Variants in DCP2 observed in about 807,000 individuals in gnomAD.
DCP2 encodes the protein decapping mRNA 2, also known as m7GpppN-mRNA hydrolase.
In DCP2, 30 loss-of-function variants were observed where a neutral mutation model predicts 56.1. That is an observed-to-expected ratio of 0.53 (90% CI 0.40 to 0.73). DCP2 has a LOEUF of 0.73. DCP2 is among the 30% of genes least tolerant of loss of function. DCP2 has a pLI of 0.00. For missense variants in DCP2, 533 were observed against 502.7 expected (o/e 1.06, Z -0.58); for synonymous variants, 197 against 163.3 (o/e 1.21, Z -1.57).
At position 112,976,876 on chromosome 5, in the gene DCP2, C is replaced by T; in HGVS notation, c.-58C>T. 2 of 1,576,876 alleles carry T rather than the reference C, an allele frequency of 1.3e-6. No individual in the cohort carries two copies. The highest frequency in any genetic ancestry group is 1.7e-6 in the Non-Finnish European group (2 of 1,146,016). Reference sequence around the variant, plus strand: ...GGCGAGCCGGAGTCCTAGTGCCGTACCGTCAGTCCCCGGCCGCGCGGAGCC... The same window carrying T: ...GGCGAGCCGGAGTCCTAGTGCCGTATCGTCAGTCCCCGGCCGCGCGGAGCC... On this transcript the variant is annotated 5_prime_UTR_variant, in exon 1 of 11. Coordinates refer to ENST00000389063, the MANE Select transcript of DCP2 (RefSeq NM_152624.6).
At chr5:112,992,833 A>G in intron 4 of DCP2, 63 bp downstream of exon 4, 1 of 1,278,260 alleles carries the variant, frequency 7.8e-7, no homozygotes, top group Non-Finnish European at 1.1e-6. Context: ...TATTTTTTTT[A>G]GCCATATAGA....
chr5:113,010,389 T>G (rs6594655), intron 9 of DCP2, among the ~76,000 whole-genome samples: 29,113 of 151,840 alleles, frequency 0.19, 2,923 homozygotes, highest in Non-Finnish European at 0.21. Flanking sequence ...TTATGTTTTA[T>G]AAATAAAGTA....
intron 8 of DCP2, among the ~76,000 whole-genome samples, chr5:113,005,129 CA>C (rs1027740001): frequency 8.7e-5 from 10 of 114,362 alleles, no homozygotes; most frequent in African/African-American, 1.1e-4. Flanking sequence ...AACTCTGTCT[CA>C]AAAAAAAAAG....
At chr5:112,981,560 T>G (rs955512059) in intron 1 of DCP2, among the ~76,000 whole-genome samples, 1 of 152,190 alleles carries the variant, frequency 6.6e-6, no homozygotes, top group South Asian at 2.1e-4. Flanking sequence ...TAAATAGATA[T>G]GTAGTTTTTA....
At chr5:112,980,160 T>C (rs551467607) in intron 1 of DCP2, among the ~76,000 whole-genome samples, 1 of 152,380 alleles carries the variant, frequency 6.6e-6, no homozygotes, top group Middle Eastern at 3.4e-3. Flanking sequence ...TTTTCAGTAC[T>C]GTTTAAACTA....
chr5:112,984,211 A>C (rs1748139449), intron 1 of DCP2: 2 of 152,264 alleles, frequency 1.3e-5, no homozygotes, highest in Admixed American at 1.3e-4. Context: ...TGTGGGGAAA[A>C]AAAATCCAAA....
At position 113,010,809 on chromosome 5, in the gene DCP2, C is replaced by T. The variant is rs1311557474; in HGVS notation, c.1099+2C>T. On this transcript the variant is annotated splice_donor_variant, in intron 10 of 10. Transcript: ENST00000389063. LOFTEE classifies it low-confidence loss of function (GC_TO_GT_DONOR). ...AACTTCAGGATAATTTTGAAACAGG[C>T]AAGTCATTTCCTATCTTTTTATAAT... 6.3e-7 allele frequency: 1 copy of T among 1,596,604 alleles called. No individual in the cohort carries two copies. Among genetic ancestry groups the T allele is most frequent in the South Asian group, 1.1e-5 (1 of 87,062 alleles).
At chr5:113,007,400 C>CTT (rs869106469) in intron 8 of DCP2, among the ~76,000 whole-genome samples, 1 of 48,946 alleles carries the variant, frequency 2.0e-5, no homozygotes, top group Non-Finnish European at 4.2e-5. Flanking sequence ...TTCTTTCTTT[C>CTT]TTTTTTTTTT....
chr5:113,003,167 T>G (rs201754303), intron 7 of DCP2, among the ~76,000 whole-genome samples: 1 of 151,494 alleles, frequency 6.6e-6, no homozygotes, highest in African/African-American at 2.4e-5. Context: ...AAAAGCTGAC[T>G]AATTCCTGAC....
rs372416746 is a variant in DCP2 at position 112,992,168 on chromosome 5, A to G, written c.253A>G (p.Lys85Glu). The change falls in exon 3 of 11, where the codon AAA (lysine) becomes GAA (glutamate). Residue 85 changes from lysine (K) to glutamate (E), a missense_variant. Lys to Glu is a moderately conservative substitution (Grantham distance 56). This residue lies in a region of DCP2 where 137 missense variants were observed against 138.2 expected (regional missense o/e 0.99). Coordinates refer to ENST00000389063, the MANE Select transcript of DCP2 (RefSeq NM_152624.6). The stretch of plus-strand genomic sequence containing the variant: ...GCTGCCTCAAGGTGAAGATGTGGAA[A>G]AAGTTTTGGATGAATGGAAGGAATA... ...FLLPQGEDVE[K>E]VLDEWKEYKM... 1.2e-6 allele frequency: 2 copies of G among 1,613,942 alleles called. No homozygotes were observed. Among genetic ancestry groups the G allele is most frequent in the Admixed American group, 3.3e-5 (2 of 59,992 alleles).
intron 1 of DCP2, among the ~76,000 whole-genome samples, chr5:112,980,486 G>A (rs1235662349): frequency 2.0e-5 from 3 of 152,144 alleles, no homozygotes; most frequent in African/African-American, 7.2e-5. Context: ...ATAACATTTC[G>A]TGTGATGCAG....
chr5:112,988,449 G>A lies in DCP2; in HGVS notation c.205+2463G>A, dbSNP rs183096986. Among the ~76,000 whole-genome samples, 256 of 136,634 alleles carry A rather than the reference G, an allele frequency of 1.9e-3. 1 individual carries two copies. The highest frequency in any genetic ancestry group is 6.9e-3 in the South Asian group (29 of 4,202). 89.6% of individuals were successfully genotyped at this position (136,634 alleles called of 152,430 possible). A position where few individuals can be genotyped will look rare whatever the true frequency, so the allele number is the denominator to read the frequency against. ...AGAGCTTGCAGTGAGCCGAGTTCGC[G>A]CCACTGCACTCCAGCCTGGGTGACA... On this transcript the variant is annotated intron_variant, in intron 2 of 10. Coordinates refer to ENST00000389063, the MANE Select transcript of DCP2 (RefSeq NM_152624.6).
chr5:112,989,206 G>A (rs764394294), intron 2 of DCP2, among the ~76,000 whole-genome samples: 2 of 152,150 alleles, frequency 1.3e-5, no homozygotes, highest in Admixed American at 6.5e-5. Context: ...ACCCACTTAC[G>A]ATTTGGAGGC....
intron 8 of DCP2, among the ~76,000 whole-genome samples, chr5:113,005,490 C>CA (rs768063178): frequency 2.6e-5 from 4 of 151,864 alleles, no homozygotes; most frequent in East Asian, 1.9e-4. Context: ...TAATAAAAAA[C>CA]AAAAAAACAG....
At position 113,019,294 on chromosome 5, in the gene DCP2, C is replaced by T. The variant is rs1203711344; in HGVS notation, c.*5810C>T. The stretch of plus-strand genomic sequence containing the variant: ...GAAATTTAGAAAGATAATTCTTCAG[C>T]AGTTGGTTGATTAGATGGGTTAGTG... On this transcript the variant is annotated 3_prime_UTR_variant, in exon 11 of 11. Coordinates refer to ENST00000389063, the MANE Select transcript of DCP2 (RefSeq NM_152624.6). The T allele has an allele frequency of 6.6e-6, 1 of 152,158 alleles. No homozygotes were observed. Among genetic ancestry groups the T allele is most frequent in the Non-Finnish European group, 1.5e-5 (1 of 68,020 alleles). The allele number at this position is 152,158 out of a possible 1,614,324, so 9.4% of individuals were successfully genotyped here.
chr5:113,020,002 G>T lies in DCP2; in HGVS notation c.*6518G>T, dbSNP rs1006286135. ...AATACTGTGCCTATTTCCAAAAGAA[G>T]ACTTGATGTGGCTTTTTACATTATG... On this transcript the variant is annotated 3_prime_UTR_variant, in exon 11 of 11. Coordinates refer to ENST00000389063, the MANE Select transcript of DCP2 (RefSeq NM_152624.6). The T allele has an allele frequency of 3.3e-5, 5 of 152,312 alleles. No homozygotes were observed. The East Asian group carries it at 9.6e-4, about 29-fold the overall frequency. 9.4% of individuals were successfully genotyped at this position (152,312 alleles called of 1,614,324 possible).
chr5:112,994,147 ATTCCTTTTTTTCT>A (rs1170541062), intron 4 of DCP2, among the ~76,000 whole-genome samples: 1 of 137,532 alleles, frequency 7.3e-6, no homozygotes, highest in East Asian at 2.0e-4. Context: ...TTTGAAGTTC[ATTCCTTTTTTTCT>A]TTCTTTTTTT....
At chr5:113,009,391 A>G (rs1749581641) in intron 9 of DCP2, among the ~76,000 whole-genome samples, 1 of 152,252 alleles carries the variant, frequency 6.6e-6, no homozygotes, top group Non-Finnish European at 1.5e-5. Context: ...AACATATCAC[A>G]GTGTTAAACT....
chr5:112,994,097 G>A (rs1208548286), intron 4 of DCP2, among the ~76,000 whole-genome samples: 3 of 149,990 alleles, frequency 2.0e-5, no homozygotes, highest in Admixed American at 6.6e-5. Context: ...GTGCTTGACT[G>A]GGCCTTAGTT....
Sources: allele counts gnomAD v4.1 joint callset (sites outside exome capture counted in the v4.1 genomes callset), GRCh38; gene constraint gnomAD v4.1.1; regional missense constraint gnomAD v4.1.1; transcripts MANE v1.5; gene names NCBI Gene and HGNC (gene_info 2026-07-23, HGNC 2026-07-21).